RGS6: variants seen among roughly 807,000 people sequenced by gnomAD.
RGS6 encodes the protein regulator of G-protein signaling 6.
In RGS6, 30 loss-of-function variants were observed where a neutral mutation model predicts 78.5. The observed-to-expected ratio is 0.38, with a 90% confidence interval of 0.29 to 0.52. RGS6 has a LOEUF of 0.52. RGS6 is among the 20% of genes least tolerant of loss of function. The probability of loss-of-function intolerance (pLI) is 0.85; values close to 1 mark genes in which losing one functional copy is unlikely to be tolerated. For missense variants in RGS6, 495 were observed against 609.7 expected (o/e 0.81, Z 1.98); for synonymous variants, 206 against 206.0 (o/e 1.00, Z 0.00).
At chr14:72,259,905 C>T (rs372900066) in intron 2 of RGS6, among the ~76,000 whole-genome samples, 123 of 67,864 alleles carry the variant, frequency 1.8e-3, no homozygotes, top group African/African-American at 0.013. Context: ...AGTGAGACTC[C>T]GTCTCAAAAA....
chr14:72,576,016 C>T, the RGS6 span, among the ~76,000 whole-genome samples: 3 of 152,206 alleles, frequency 2.0e-5, no homozygotes, highest in African/African-American at 7.2e-5. Context: ...TGTAGAACTG[C>T]CTCACAAGCA....
intron 2 of RGS6, among the ~76,000 whole-genome samples, chr14:72,013,187 C>G (rs1035340837): frequency 4.2e-5 from 6 of 142,350 alleles, no homozygotes; most frequent in Admixed American, 3.7e-4. Context: ...AGGAGAATCT[C>G]TTGAACCTGG....
intron 3 of RGS6, among the ~76,000 whole-genome samples, chr14:72,393,864 C>T (rs2090558803): frequency 6.6e-6 from 1 of 152,114 alleles, no homozygotes; most frequent in Non-Finnish European, 1.5e-5. Flanking sequence ...TGGAATGATC[C>T]TACAAATTAC....
At chr14:72,006,853 C>T (rs924043377) in intron 2 of RGS6, among the ~76,000 whole-genome samples, 19 of 152,202 alleles carry the variant, frequency 1.2e-4, no homozygotes, top group Admixed American at 7.9e-4. Flanking sequence ...AACGAGGCAG[C>T]GGGCTGTGGA....
chr14:72,291,980 T>C (rs775492841), intron 2 of RGS6, among the ~76,000 whole-genome samples: 7 of 152,124 alleles, frequency 4.6e-5, no homozygotes, highest in Non-Finnish European at 7.3e-5. Context: ...GATATGTGCA[T>C]GCCAATACGT....
At chr14:72,219,167 G>A (rs2046299931) in intron 2 of RGS6, among the ~76,000 whole-genome samples, 2 of 152,056 alleles carry the variant, frequency 1.3e-5, no homozygotes, top group African/African-American at 4.8e-5. Flanking sequence ...GGTGAAACAA[G>A]AAAGGAGAAT....
Position 72,280,019 on chromosome 14 carries a change from T to G in RGS6, c.85-72076T>G, listed in dbSNP as rs17110235. On this transcript the variant is annotated intron_variant, in intron 2 of 17. Transcript: ENST00000553525. ...CTGAGTTTCTACTACTACAGGGTACTGTGTTTGATGCACATAAAAATTATT... is the reference window on the plus strand; with the variant it reads ...CTGAGTTTCTACTACTACAGGGTACGGTGTTTGATGCACATAAAAATTATT... Among the ~76,000 whole-genome samples the G allele has an allele frequency of 5.7e-3, 861 of 152,330 alleles. 8 individuals are homozygous for G. The highest frequency in any genetic ancestry group is 0.02 in the African/African-American group (818 of 41,582).
At chr14:71,974,385 T>C (rs1339065476) in intron 2 of RGS6, among the ~76,000 whole-genome samples, 1 of 152,208 alleles carries the variant, frequency 6.6e-6, no homozygotes, top group African/African-American at 2.4e-5. Context: ...GGAAAGAATA[T>C]GCAAAGACAT....
At chr14:72,159,112 G>A (rs1598568578) in intron 2 of RGS6, among the ~76,000 whole-genome samples, 1 of 152,168 alleles carries the variant, frequency 6.6e-6, no homozygotes, top group Non-Finnish European at 1.5e-5. Flanking sequence ...AACAAACTAC[G>A]AAGCACATTC....
At chr14:72,021,065 G>A (rs1211676622) in intron 2 of RGS6, among the ~76,000 whole-genome samples, 2 of 152,306 alleles carry the variant, frequency 1.3e-5, no homozygotes, top group South Asian at 2.1e-4. Context: ...GCCTGGCGTG[G>A]AACAAACTCT....
At chr14:72,034,794 G>A (rs768410454) in intron 2 of RGS6, among the ~76,000 whole-genome samples, 2 of 152,010 alleles carry the variant, frequency 1.3e-5, no homozygotes, top group African/African-American at 2.4e-5. Flanking sequence ...TCTGGTCCGG[G>A]GCTTTTCTAT....
At chr14:72,030,489 G>A (rs919177403) in intron 2 of RGS6, among the ~76,000 whole-genome samples, 1 of 152,152 alleles carries the variant, frequency 6.6e-6, no homozygotes, top group Non-Finnish European at 1.5e-5. Flanking sequence ...GGTTGATTAT[G>A]GTATGAGTTT....
chr14:72,312,616 A>G (rs755998215), intron 2 of RGS6, among the ~76,000 whole-genome samples: 2 of 152,244 alleles, frequency 1.3e-5, no homozygotes, highest in African/African-American at 2.4e-5. Flanking sequence ...TAACATAGTT[A>G]TGCGTAGGAG....
At chr14:72,110,126 A>G (rs1401410251) in intron 2 of RGS6, among the ~76,000 whole-genome samples, 1 of 152,200 alleles carries the variant, frequency 6.6e-6, no homozygotes, top group East Asian at 1.9e-4. Flanking sequence ...GGCTTACACA[A>G]CTATCACCAT....
At chr14:72,454,463 T>C in intron 3 of RGS6, 65 bp from the exon 4 acceptor site, 2 of 1,485,682 alleles carry the variant, frequency 1.3e-6, no homozygotes, top group Non-Finnish European at 1.9e-6. Context: ...TAGGTAAACA[T>C]GTTTCTTCTG....
intron 3 of RGS6, among the ~76,000 whole-genome samples, chr14:72,366,209 C>T (rs1278591194): frequency 6.6e-6 from 1 of 152,144 alleles, no homozygotes; most frequent in Non-Finnish European, 1.5e-5. Flanking sequence ...CTTCCCTGCT[C>T]AGATCAGGAC....
chr14:72,090,885 TCC>T (rs2095246660), intron 2 of RGS6, among the ~76,000 whole-genome samples: 3 of 152,096 alleles, frequency 2.0e-5, no homozygotes, highest in Admixed American at 6.5e-5. Flanking sequence ...AGGTCCTCCC[TCC>T]TCCCCAGTAG....
the RGS6 span, among the ~76,000 whole-genome samples, chr14:71,908,846 C>T: frequency 2.6e-5 from 4 of 151,948 alleles, no homozygotes; most frequent in South Asian, 2.1e-4. Context: ...AAGTGAGTAG[C>T]GAGGCACTCA....
intron 3 of RGS6, among the ~76,000 whole-genome samples, chr14:72,425,548 A>G (rs1248144050): frequency 6.6e-6 from 1 of 152,238 alleles, no homozygotes; most frequent in African/African-American, 2.4e-5. Flanking sequence ...TAGAATAAAT[A>G]CCGATGGCCA....
Sources: gnomAD v4.1 joint callset for allele counts (sites outside exome capture counted in the v4.1 genomes callset) on GRCh38, gnomAD v4.1.1 for gene constraint, MANE v1.5 for transcripts, NCBI Gene and HGNC (gene_info 2026-07-23, HGNC 2026-07-21) for gene names.